STX6: variants seen among roughly 807,000 people sequenced by gnomAD.
STX6 encodes syntaxin-6.
A neutral mutation model predicts 38.0 loss-of-function variants in STX6; 23 were observed. That is an observed-to-expected ratio of 0.60 (90% confidence interval 0.43 to 0.86). The LOEUF is 0.86. Ranked by LOEUF, STX6 falls within the 40% of genes least tolerant of loss-of-function variation. The pLI, the probability that STX6 is intolerant of heterozygous loss-of-function variation, is 0.00. For missense variants in STX6, 274 were observed against 312.9 expected (o/e 0.88, Z 0.94); for synonymous variants, 123 against 107.5 (o/e 1.14, Z -0.89).
chr1:180,986,782 G>A (rs1655599963), intron 6 of STX6, among the ~76,000 whole-genome samples: 1 of 152,150 alleles, frequency 6.6e-6, no homozygotes, highest in South Asian at 2.1e-4. Context: ...GTGGAGGTAG[G>A]GGTGTGTCAA....
At chr1:180,984,865 A>C in intron 6 of STX6, 94 bp from the exon 7 acceptor site, 1 of 531,754 alleles carries the variant, frequency 1.9e-6, no homozygotes, top group East Asian at 3.1e-5. Context: ...CCATTTTAGC[A>C]AACAAAATAG....
chr1:180,977,585 T>C (rs573913825), intron 7 of STX6, among the ~76,000 whole-genome samples: 3 of 152,330 alleles, frequency 2.0e-5, no homozygotes, highest in Non-Finnish European at 2.9e-5. Context: ...CTGATGAGTT[T>C]TGGCATCTTC....
In STX6 at chr1:180,994,031, C is replaced by G. The variant is rs559217561; in HGVS notation, c.301-606G>C. Reference sequence around the variant, plus strand: ...GAAAGGTATAGACTATTCCTAACATCAGAGTGAATTTCCAGAGTGGTGTCA... The same window carrying G: ...GAAAGGTATAGACTATTCCTAACATGAGAGTGAATTTCCAGAGTGGTGTCA... On this transcript the variant is annotated intron_variant, in intron 3 of 7. Coordinates refer to ENST00000258301, the MANE Select transcript of STX6 (RefSeq NM_005819.6). Among the ~76,000 whole-genome samples, 15 of 152,280 alleles carry G rather than the reference C, an allele frequency of 9.9e-5. 1 individual carries two copies. The highest frequency in any genetic ancestry group is 2.9e-4 in the African/African-American group (12 of 41,554).
intron 1 of STX6, among the ~76,000 whole-genome samples, chr1:181,018,388 C>CAAAAAAAAAAAA (rs34962747): frequency 7.2e-4 from 31 of 43,040 alleles, no homozygotes; most frequent in South Asian, 1.1e-3. Flanking sequence ...GACTCTGTCC[C>CAAAAAAAAAAAA]AAAAAAAAAA....
intron 1 of STX6, 23 bp from the exon 2 acceptor site, chr1:181,005,486 G>C: frequency 6.3e-7 from 1 of 1,599,894 alleles, no homozygotes; most frequent in South Asian, 1.1e-5. Context: ...TGAGGCAAAG[G>C]AGAGAAATCA....
At chr1:181,003,991 CTAATTACCGA>C (rs1200648443) in intron 2 of STX6, among the ~76,000 whole-genome samples, 1 of 152,212 alleles carries the variant, frequency 6.6e-6, no homozygotes, top group African/African-American at 2.4e-5. Context: ...TTTTTGATCT[CTAATTACCGA>C]AGTGTAACAC....
chr1:180,984,667 C>T lies in STX6; in HGVS notation c.691+10G>A. ...AGTACAAATGCTTAAGCTTTAAACGCCATACATACCACTGGTCATATGAGA... is the reference window on the plus strand; with the variant it reads ...AGTACAAATGCTTAAGCTTTAAACGTCATACATACCACTGGTCATATGAGA... On this transcript the variant is annotated intron_variant, in intron 7 of 7. Transcript: ENST00000258301. 3 of 1,348,448 alleles carry T rather than the reference C, an allele frequency of 2.2e-6. No homozygotes were observed. Among genetic ancestry groups the T allele is most frequent in the Non-Finnish European group, 3.2e-6 (3 of 942,772 alleles). The allele number at this position is 1,348,448 out of a possible 1,614,324, so 83.5% of individuals were successfully genotyped here.
chr1:181,008,636 T>C (rs146702975), intron 1 of STX6, among the ~76,000 whole-genome samples: 114 of 152,138 alleles, frequency 7.5e-4, no homozygotes, highest in African/African-American at 2.6e-3. Context: ...TCCAAAATCA[T>C]ATTTGTTATT....
chr1:181,003,828 G>T (rs946578842), intron 2 of STX6, among the ~76,000 whole-genome samples: 8 of 152,212 alleles, frequency 5.3e-5, no homozygotes, highest in Non-Finnish European at 1.2e-4. Context: ...CAGTGCATGA[G>T]TCAGATCAGT....
intron 3 of STX6, among the ~76,000 whole-genome samples, chr1:180,994,275 A>T (rs77756747): frequency 0.019 from 2,948 of 152,336 alleles, 92 homozygotes; most frequent in African/African-American, 0.067. Context: ...ACTTCTTTAA[A>T]GACCCATGAC....
chr1:180,984,063 C>CAAAAAA (rs10625558), intron 7 of STX6, among the ~76,000 whole-genome samples: 146 of 7,142 alleles, frequency 0.02, 29 homozygotes, highest in East Asian at 0.032. Context: ...GGCTCCATCT[C>CAAAAAA]AAAAAAAAAA....
intron 1 of STX6, among the ~76,000 whole-genome samples, chr1:181,008,164 T>G (rs1192366337): frequency 6.6e-6 from 1 of 152,190 alleles, no homozygotes; most frequent in East Asian, 1.9e-4. Flanking sequence ...TTAAAGAACT[T>G]TTTAGATTTT....
At chr1:180,976,977 T>TAC (rs1655274021) in intron 7 of STX6, among the ~76,000 whole-genome samples, 1 of 152,214 alleles carries the variant, frequency 6.6e-6, no homozygotes, top group African/African-American at 2.4e-5. Flanking sequence ...GCAATGGTGT[T>TAC]ACAGATCAAA....
intron 1 of STX6, among the ~76,000 whole-genome samples, chr1:181,008,289 C>A (rs1656287638): frequency 6.6e-6 from 1 of 152,156 alleles, no homozygotes; most frequent in Non-Finnish European, 1.5e-5. Context: ...ATTGGTCAAT[C>A]TTGTACAGGC....
chr1:180,984,077 A>AAAAAC, intron 7 of STX6, among the ~76,000 whole-genome samples: 1 of 148,576 alleles, frequency 6.7e-6, no homozygotes, highest in Non-Finnish European at 1.5e-5. Context: ...AAAAAAAAAA[A>AAAAAC]AAAAAAAAAA....
chr1:180,984,743 C>G lies in STX6; in HGVS notation c.625G>C (p.Glu209Gln). ...VMLEDFSHEL[E>Q]STQSRLDNVM... ...TTGTCCAGCCGGGACTGAGTGCTCT[C>G]CAATTCGTGAGAGAAATCTTCCAAC... The change falls in exon 7 of 8, where the codon GAG becomes CAG. Residue 209 changes from glutamate (E) to glutamine (Q), a missense_variant. Glu to Gln is a conservative substitution (Grantham distance 29). Coordinates refer to ENST00000258301, the MANE Select transcript of STX6 (RefSeq NM_005819.6). 6.3e-7 allele frequency: 1 copy of G among 1,592,550 alleles called. No homozygotes were observed.
At chr1:180,982,322 G>A (rs938648481) in intron 7 of STX6, among the ~76,000 whole-genome samples, 3 of 152,176 alleles carry the variant, frequency 2.0e-5, no homozygotes, top group African/African-American at 7.2e-5. Context: ...CACCAAGCAG[G>A]AAGAGGTCCT....
Position 180,993,441 on chromosome 1 carries a change from A to T in STX6, c.301-16T>A. On this transcript the variant is annotated splice_polypyrimidine_tract_variant and intron_variant, in intron 3 of 7. Transcript: ENST00000258301. Reference sequence around the variant, plus strand: ...CTTTCATGTCCTAATGAGAAAGAAGATACGAAAACAAATGAAAAATATCCT... The same window carrying T: ...CTTTCATGTCCTAATGAGAAAGAAGTTACGAAAACAAATGAAAAATATCCT... 6.6e-7 allele frequency: 1 copy of T among 1,518,184 alleles called. No homozygotes were observed. Among genetic ancestry groups the T allele is most frequent in the Non-Finnish European group, 9.1e-7 (1 of 1,099,930 alleles). 94.0% of individuals were successfully genotyped at this position (1,518,184 alleles called of 1,614,324 possible).
intron 3 of STX6, among the ~76,000 whole-genome samples, chr1:180,998,733 T>TA (rs1296237504): frequency 2.6e-5 from 4 of 152,238 alleles, no homozygotes; most frequent in African/African-American, 7.2e-5. Flanking sequence ...AGTTAGCAGA[T>TA]ACCACACAAC....
Sources: allele counts gnomAD v4.1 joint callset (sites outside exome capture counted in the v4.1 genomes callset), GRCh38; gene constraint gnomAD v4.1.1; transcripts MANE v1.5; gene names NCBI Gene and HGNC (gene_info 2026-07-23, HGNC 2026-07-21).